Variants in WDR90 observed in about 807,000 individuals in gnomAD.
The protein encoded by WDR90 is WD repeat domain 90.
In WDR90, 238 loss-of-function variants were observed where a neutral mutation model predicts 195.2. That is an observed-to-expected ratio of 1.22 (90% CI 1.10 to 1.36). The LOEUF is 1.36. WDR90 is among the 40% of genes most tolerant of loss of function. The pLI, the probability that WDR90 is intolerant of heterozygous loss-of-function variation, is 0.00. For missense variants in WDR90, 2,734 were observed against 2,439.5 expected, an observed-to-expected ratio of 1.12 and a Z score of -2.54; for synonymous variants, 1,265 against 1,052.4, an observed-to-expected ratio of 1.20 and a Z score of -3.91.
At chr16:651,788 G>T in intron 8 of WDR90, 39 bp from the exon 9 acceptor site, 1 of 1,612,360 alleles carries the variant, frequency 6.2e-7, no homozygotes. Flanking sequence ...GTTGGGGTGT[G>T]ATGGCCCAGG....
In WDR90 at chr16:650,842, C is replaced by T. The variant is rs1422142321; in HGVS notation, c.559+133C>T. ...TCTCTGAGCTCTGGCCAGAACCCAT[C>T]CCAGAGGCAGCCCTGGGGTCAGAAC... is the stretch of plus-strand genomic sequence containing the variant. On this transcript the variant is annotated intron_variant, in intron 5 of 40. Transcript: ENST00000293879. 2.7e-6 allele frequency: 4 copies of T among 1,477,092 alleles called. No individual in the cohort carries two copies. The East Asian group carries it at 6.9e-5, about 26-fold the overall frequency. 91.5% of individuals were successfully genotyped at this position (1,477,092 alleles called of 1,614,324 possible). A position where few individuals can be genotyped will look rare whatever the true frequency, so the allele number is the denominator to read the frequency against.
intron 25 of WDR90, 22 bp downstream of exon 25, chr16:659,148 G>T (rs777832585): frequency 2.5e-6 from 4 of 1,610,924 alleles, no homozygotes; most frequent in Middle Eastern, 1.7e-4. Context: ...TGCTCAGCTG[G>T]GGTGCAGGTG....
At chr16:649,579 G>T (rs1292204347) in intron 1 of WDR90, 153 bp downstream of exon 1, 31 of 1,172,766 alleles carry the variant, frequency 2.6e-5, no homozygotes, top group Middle Eastern at 6.2e-4. Context: ...CCACCCTCGG[G>T]CTCCCGGAGC....
chr16:656,214 A>G, intron 17 of WDR90, 88 bp from the exon 18 acceptor site: 1 of 1,253,304 alleles, frequency 8.0e-7, no homozygotes, highest in Non-Finnish European at 1.1e-6. Flanking sequence ...CAGGGAGTGC[A>G]TTTGCTGGGG....
chr16:658,037 C>G (rs2037798760), intron 21 of WDR90, 145 bp downstream of exon 21: 1 of 1,448,604 alleles, frequency 6.9e-7, no homozygotes, highest in Non-Finnish European at 9.2e-7. Flanking sequence ...CCATGTGGGG[C>G]CCACGTGCGG....
intron 20 of WDR90, chr16:657,427 C>T (rs754108113): frequency 1.1e-5 from 10 of 902,258 alleles, no homozygotes; most frequent in African/African-American, 1.7e-5. Flanking sequence ...GAGGTCAGCT[C>T]GGGTCTGTGC....
In WDR90 at chr16:666,747, C is replaced by T. The variant is rs202132376; in HGVS notation, c.4959C>T (p.Pro1653=). The T allele has an allele frequency of 1.9e-4, 299 of 1,612,808 alleles. 1 individual carries two copies. The highest frequency in any genetic ancestry group is 2.1e-4 in the Non-Finnish European group (252 of 1,179,966). Residue 1653 remains proline (P), a synonymous_variant, in exon 39 of 41, where the codon CCC becomes CCT. Coordinates refer to ENST00000293879, the MANE Select transcript of WDR90 (RefSeq NM_145294.5). The part of the protein sequence containing the change: ...WDGALLMYVG[P]GVYKEVIIYN... ...GGGCGCTCCTGATGTACGTGGGCCC[C>T]GGTGTTTACAAGGAGGTGATCATCT...
Position 655,720 on chromosome 16 carries a change from C to T in WDR90, c.1849+17C>T, listed in dbSNP as rs372134039. The stretch of plus-strand genomic sequence containing the variant: ...TCAGCTCAGGTAAGAGGGCGCCCAC[C>T]ACGTGGCCAGGGTGGCAGGGACACC... On this transcript the variant is annotated intron_variant, in intron 16 of 40. Transcript: ENST00000293879. The T allele has an allele frequency of 8.2e-6, 13 of 1,582,948 alleles. No individual in the cohort carries two copies. The South Asian group carries it at 9.1e-5, about 11-fold the overall frequency.
rs1200288704 is a variant in WDR90 at position 661,933 on chromosome 16, C to T, written c.3907C>T (p.Leu1303=). Reference sequence around the variant, plus strand: ...CCCAGAGGCAGTGGGGGCTGGAGAGCTGACCTCGCTCTGCTACGGGGCACC... The same window carrying T: ...CCCAGAGGCAGTGGGGGCTGGAGAGTTGACCTCGCTCTGCTACGGGGCACC... ...PVPEAVGAGE[L]TSLCYGAPPL... Residue 1303 remains leucine, a synonymous_variant, in exon 32 of 41, where the codon CTG becomes TTG. Coordinates refer to ENST00000293879, the MANE Select transcript of WDR90 (RefSeq NM_145294.5). The T allele has an allele frequency of 2.5e-6, 4 of 1,609,314 alleles. No homozygotes were observed. The highest frequency in any genetic ancestry group is 2.5e-6 in the Non-Finnish European group (3 of 1,179,842).
Position 649,667 on chromosome 16 carries a change from C to G in WDR90, c.11-96C>G, listed in dbSNP as rs116801785. The G allele has an allele frequency of 4.5e-3, 5,781 of 1,287,662 alleles. 209 individuals carry two copies. The African/African-American group carries it at 0.081, about 18-fold the overall frequency. The allele number at this position is 1,287,662 out of a possible 1,614,324, so 79.8% of individuals were successfully genotyped here. A position where few individuals can be genotyped will look rare whatever the true frequency, so the allele number is the denominator to read the frequency against. On this transcript the variant is annotated intron_variant, in intron 1 of 40. Transcript: ENST00000293879. Reference sequence around the variant, plus strand: ...GTCGCCGGGGAAGGCGCGGAGAGCCCCGGCTCCTGCCTGGTCCCCGAGGCC... The same window carrying G: ...GTCGCCGGGGAAGGCGCGGAGAGCCGCGGCTCCTGCCTGGTCCCCGAGGCC...
chr16:652,175 G>A (rs768675989), intron 9 of WDR90, 136 bp downstream of exon 9: 88 of 1,118,946 alleles, frequency 7.9e-5, no homozygotes, highest in Non-Finnish European at 1.0e-4. Flanking sequence ...AAGGAGCAGA[G>A]CTGGCGGGAG....
In WDR90 at chr16:660,083, G is replaced by T; in HGVS notation, c.3210G>T (p.Gly1070=). ...GCGCCAGGGACACCAGGAATTCGGG[G>T]GCCCCACGCACCACCTACCTGGCTT... ...GDGARDTRNS[G]APRTTYLASC... The change falls in exon 27 of 41, where the codon GGG becomes GGT. Residue 1070 remains glycine (G), a synonymous_variant. Transcript: ENST00000293879. The T allele has an allele frequency of 1.9e-6, 3 of 1,546,978 alleles. No homozygotes were observed. The highest frequency in any genetic ancestry group is 2.6e-6 in the Non-Finnish European group (3 of 1,147,040).
intron 13 of WDR90, 99 bp from the exon 14 acceptor site, chr16:654,930 A>T: frequency 1.7e-6 from 2 of 1,175,302 alleles, no homozygotes; most frequent in Non-Finnish European, 2.5e-6. Context: ...TCTCCGCATG[A>T]GAGAAAAGCC....
Position 658,962 on chromosome 16 carries a change from A to G in WDR90, c.2962A>G (p.Ser988Gly). The change falls in exon 24 of 41, where the codon AGC (serine) becomes GGC (glycine). Residue 988 changes from serine to glycine, a missense_variant. Physicochemically the swap from Ser to Gly is moderately conservative, Grantham distance 56. Coordinates refer to ENST00000293879, the MANE Select transcript of WDR90 (RefSeq NM_145294.5). ...AFSPDQQQVLSAGDAVFLWDV... is the reference protein window; with the variant it reads ...AFSPDQQQVLGAGDAVFLWDV... ...CTCTCCTGACCAGCAGCAGGTCCTC[A>G]GCGCAGGGGACGCCGTCTTCCTCTG... 1 of 1,612,934 alleles carries G rather than the reference A, an allele frequency of 6.2e-7. No individual in the cohort carries two copies. The highest frequency in any genetic ancestry group is 8.5e-7 in the Non-Finnish European group (1 of 1,179,970).
intron 7 of WDR90, 88 bp downstream of exon 7, chr16:651,354 C>A (rs934707669): frequency 5.0e-5 from 73 of 1,453,412 alleles, no homozygotes; most frequent in Non-Finnish European, 6.9e-5. Context: ...GGAAAGGACC[C>A]AGTGGTGTGC....
At chr16:655,255 G>A in intron 14 of WDR90, 52 bp from the exon 15 acceptor site, 1 of 1,611,346 alleles carries the variant, frequency 6.2e-7, no homozygotes, top group South Asian at 1.1e-5. Flanking sequence ...GCGTCTCCCG[G>A]TGGGTCAGGG....
chr16:649,454 G>C, intron 1 of WDR90, 28 bp downstream of exon 1: 1 of 1,296,114 alleles, frequency 7.7e-7, no homozygotes, highest in Non-Finnish European at 9.8e-7. Context: ...GGGGTCCCGA[G>C]GATCCCGGGT....
chr16:654,000 A>C, intron 13 of WDR90, 197 bp downstream of exon 13: 5 of 656,636 alleles, frequency 7.6e-6, no homozygotes, highest in Non-Finnish European at 1.3e-5. Context: ...CCAGCAGCTC[A>C]CATTTCACGT....
chr16:657,256 CAG>C, intron 20 of WDR90, 35 bp downstream of exon 20: 2 of 1,513,672 alleles, frequency 1.3e-6, no homozygotes, highest in Non-Finnish European at 1.8e-6. Flanking sequence ...GGGGACTCCT[CAG>C]GGCGGGGGAG....
Sources: allele counts gnomAD v4.1 joint callset, GRCh38; gene constraint gnomAD v4.1.1; transcripts MANE v1.5; gene names NCBI Gene and HGNC (gene_info 2026-07-23, HGNC 2026-07-21).